The following B3GALT1 variants were observed in gnomAD, a reference collection of about 807,000 sequenced individuals.
B3GALT1 encodes the protein beta-1,3-galactosyltransferase 1, also known as UDP-Gal:betaGlcNAc beta 1,3-galactosyltransferase, polypeptide 1.
B3GALT1 carries 10 observed loss-of-function variants against 23.2 expected under a neutral mutation model. The ratio of observed to expected loss-of-function variants is 0.43; its 90% CI spans 0.27 to 0.73. The LOEUF (loss-of-function observed/expected upper bound fraction) is 0.73. Among genes scored for constraint, B3GALT1 ranks in the 30% least tolerant of loss-of-function variants. The pLI, the probability that B3GALT1 is intolerant of heterozygous loss-of-function variation, is 0.21. For missense variants in B3GALT1, 299 were observed against 405.4 expected, an observed-to-expected ratio of 0.74 and a Z score of 2.25; for synonymous variants, 156 against 141.5, an observed-to-expected ratio of 1.10 and a Z score of -0.73.
At chr2:167,821,011 A>G (rs1689094127) in intron 4 of B3GALT1, among the ~76,000 whole-genome samples, 1 of 152,164 alleles carries the variant, frequency 6.6e-6, no homozygotes, top group Non-Finnish European at 1.5e-5. Flanking sequence ...TTTATCAAGA[A>G]CTTTGCATGT....
At chr2:167,499,225 C>T (rs1482743520) in intron 2 of B3GALT1, among the ~76,000 whole-genome samples, 1 of 152,120 alleles carries the variant, frequency 6.6e-6, no homozygotes, top group Non-Finnish European at 1.5e-5. Context: ...GTTGATTTTA[C>T]TGTCTACTAT....
At chr2:167,458,869 T>G (rs922636542) in intron 1 of B3GALT1, among the ~76,000 whole-genome samples, 1 of 152,212 alleles carries the variant, frequency 6.6e-6, no homozygotes, top group African/African-American at 2.4e-5. Context: ...TGTATCCTGA[T>G]ACTTTGCTGA....
At chr2:167,483,042 C>T (rs536813555) in intron 1 of B3GALT1, among the ~76,000 whole-genome samples, 1 of 152,054 alleles carries the variant, frequency 6.6e-6, no homozygotes, top group Non-Finnish European at 1.5e-5. Context: ...TCCTGTAATC[C>T]CAGCACTTTG....
At chr2:167,491,148 CG>C (rs1238412913) in intron 2 of B3GALT1, among the ~76,000 whole-genome samples, 2 of 152,022 alleles carry the variant, frequency 1.3e-5, no homozygotes, top group African/African-American at 4.8e-5. Context: ...TGGACTAGGC[CG>C]GGTAACTCCT....
intron 1 of B3GALT1, among the ~76,000 whole-genome samples, chr2:167,396,584 A>T (rs1384375087): frequency 6.7e-6 from 1 of 149,972 alleles, no homozygotes; most frequent in African/African-American, 2.4e-5. Context: ...AAACATTTGG[A>T]TGGAAAGGTT....
At chr2:167,445,726 C>T (rs1417193785) in intron 1 of B3GALT1, among the ~76,000 whole-genome samples, 1 of 152,136 alleles carries the variant, frequency 6.6e-6, no homozygotes, top group African/African-American at 2.4e-5. Flanking sequence ...GTAGATCTGC[C>T]TCCATCCCTT....
rs1431651683 is a variant in B3GALT1 at position 167,512,571 on chromosome 2, T to C, written c.-410+22294T>C. Among the ~76,000 whole-genome samples, 345 of 93,300 alleles carry C rather than the reference T, an allele frequency of 3.7e-3. 7 individuals carry two copies. Among genetic ancestry groups the C allele is most frequent in the African/African-American group, 0.015 (333 of 22,088 alleles). The allele number at this position is 93,300 out of a possible 152,430, so 61.2% of individuals were successfully genotyped here. On this transcript the variant is annotated intron_variant, in intron 2 of 4. Transcript: ENST00000392690. ...GTATATATATGTATATATATATGTA[T>C]ATATATATGTATATATATATGTGTA... is the stretch of plus-strand genomic sequence containing the variant.
chr2:167,573,525 G>A (rs1325511680), intron 2 of B3GALT1, among the ~76,000 whole-genome samples: 1 of 151,584 alleles, frequency 6.6e-6, no homozygotes, highest in Non-Finnish European at 1.5e-5. Flanking sequence ...TGCTAAACTA[G>A]CACTTTCAAT....
chr2:167,753,630 G>A (rs938002435), intron 3 of B3GALT1, among the ~76,000 whole-genome samples: 1 of 152,086 alleles, frequency 6.6e-6, no homozygotes, highest in Non-Finnish European at 1.5e-5. Flanking sequence ...AAAAATTCAT[G>A]GACTCACCAA....
intron 3 of B3GALT1, among the ~76,000 whole-genome samples, chr2:167,809,495 T>C (rs181431757): frequency 1.3e-5 from 2 of 152,158 alleles, no homozygotes; most frequent in Non-Finnish European, 2.9e-5. Context: ...TTAGTTTTCC[T>C]TCTAACAGAC....
In B3GALT1 at chr2:167,370,892, CT is replaced by C. The variant is rs376107361; in HGVS notation, c.-511+77559del. On this transcript the variant is annotated intron_variant, in intron 1 of 4. Transcript: ENST00000392690. ...AGTGAGCTGAGATCACGCCACTGCA[CT>C]CCAGCCTGGGCGACAGTGCGAGACT... Among the ~76,000 whole-genome samples, 114 of 152,258 alleles carry C rather than the reference CT, an allele frequency of 7.5e-4. 1 individual carries two copies. In the East Asian group the frequency reaches 0.018, roughly 25 times the overall value.
intron 1 of B3GALT1, among the ~76,000 whole-genome samples, chr2:167,475,030 G>C (rs1318845424): frequency 6.6e-6 from 1 of 152,016 alleles, no homozygotes; most frequent in East Asian, 1.9e-4. Context: ...TAGTTCACTA[G>C]GGCTGTCATA....
At chr2:167,806,003 TC>T (rs765441719) in intron 3 of B3GALT1, among the ~76,000 whole-genome samples, 4,420 of 151,036 alleles carry the variant, frequency 0.029, 98 homozygotes, top group South Asian at 0.053. Context: ...TTTTATTTCC[TC>T]GAGCAGTGGT....
chr2:167,614,360 G>A (rs1685120592), intron 2 of B3GALT1, among the ~76,000 whole-genome samples: 1 of 148,828 alleles, frequency 6.7e-6, no homozygotes, highest in Non-Finnish European at 1.5e-5. Flanking sequence ...CAAAGTCTTT[G>A]TAAAAAAAAA....
intron 4 of B3GALT1, among the ~76,000 whole-genome samples, chr2:167,836,255 AG>A (rs1468766136): frequency 2.6e-5 from 4 of 152,196 alleles, no homozygotes; most frequent in African/African-American, 7.2e-5. Flanking sequence ...TTCAAACCAA[AG>A]GCAAAGAAGT....
At chr2:167,770,084 A>G (rs1387093339) in intron 3 of B3GALT1, among the ~76,000 whole-genome samples, 3 of 151,898 alleles carry the variant, frequency 2.0e-5, no homozygotes, top group Admixed American at 6.6e-5. Context: ...CTGTGTTTGT[A>G]TGTTTATTTA....
chr2:167,322,390 A>G (rs1200799996), intron 1 of B3GALT1, among the ~76,000 whole-genome samples: 1 of 151,762 alleles, frequency 6.6e-6, no homozygotes, highest in African/African-American at 2.4e-5. Context: ...ATTATTGAAC[A>G]TTTTTGAAGT....
At chr2:167,428,805 A>G (rs775249739) in intron 1 of B3GALT1, among the ~76,000 whole-genome samples, 3 of 152,172 alleles carry the variant, frequency 2.0e-5, no homozygotes, top group African/African-American at 4.8e-5. Flanking sequence ...TTCACACACA[A>G]TACAAGCTGA....
intron 3 of B3GALT1, among the ~76,000 whole-genome samples, chr2:167,723,893 G>A (rs1262682917): frequency 1.3e-5 from 2 of 152,148 alleles, no homozygotes; most frequent in African/African-American, 4.8e-5. Flanking sequence ...AGTTTGCTGA[G>A]ATTGGCCTAT....
Sources: allele counts gnomAD v4.1 joint callset (sites outside exome capture counted in the v4.1 genomes callset), GRCh38; gene constraint gnomAD v4.1.1; transcripts MANE v1.5; gene names NCBI Gene and HGNC (gene_info 2026-07-23, HGNC 2026-07-21).